The following MRPS28 variants were observed in gnomAD, a reference collection of about 807,000 sequenced individuals.
MRPS28 encodes small ribosomal subunit protein bS1m.
A neutral mutation model predicts 10.8 loss-of-function variants in MRPS28; 7 were observed. The observed-to-expected ratio is 0.65, with a 90% confidence interval of 0.37 to 1.22. The LOEUF is 1.22. Among genes scored for constraint, MRPS28 ranks in the 50% most tolerant of loss-of-function variants. MRPS28 has a pLI of 0.02. For missense variants in MRPS28, 265 were observed against 232.9 expected (o/e 1.14, Z -0.90); for synonymous variants, 121 against 93.3 (o/e 1.30, Z -1.71).
rs538688890 is a variant in MRPS28 at position 79,930,066 on chromosome 8, C to A, written c.396-10918G>T. 3.3e-5 allele frequency among the ~76,000 whole-genome samples: 5 copies of A among 152,256 alleles called. No homozygotes were observed. In the East Asian group the frequency reaches 9.7e-4, roughly 29 times the overall value. ...AAGTACAACACTCTCAGTGACTTAC[C>A]ACATCCATAGGTGCTCTGACTTATT... On this transcript the variant is annotated intron_variant, in intron 2 of 2. Coordinates refer to ENST00000276585, the MANE Select transcript of MRPS28 (RefSeq NM_014018.3).
At chr8:80,005,616 T>A (rs1322936098) in intron 1 of MRPS28, among the ~76,000 whole-genome samples, 1 of 152,116 alleles carries the variant, frequency 6.6e-6, no homozygotes, top group African/African-American at 2.4e-5. Context: ...AATGACAGGA[T>A]CAAATTCACA....
At chr8:79,924,615 T>G (rs1275526216) in intron 2 of MRPS28, among the ~76,000 whole-genome samples, 4 of 152,208 alleles carry the variant, frequency 2.6e-5, no homozygotes, top group Non-Finnish European at 5.9e-5. Flanking sequence ...CAATGTAAAG[T>G]GATATTACAT....
intron 2 of MRPS28, among the ~76,000 whole-genome samples, chr8:79,998,654 G>T (rs1808572717): frequency 6.6e-6 from 1 of 152,188 alleles, no homozygotes; most frequent in Non-Finnish European, 1.5e-5. Flanking sequence ...ATGCAGGGCT[G>T]CTCTGAAAGT....
chr8:79,994,953 G>C, intron 2 of MRPS28, among the ~76,000 whole-genome samples: 1 of 151,940 alleles, frequency 6.6e-6, no homozygotes, highest in Middle Eastern at 3.2e-3. Context: ...TCTCACTTTC[G>C]GCACTTAGTA....
chr8:80,006,641 A>G (rs1808855851), intron 1 of MRPS28, among the ~76,000 whole-genome samples: 1 of 152,166 alleles, frequency 6.6e-6, no homozygotes, highest in African/African-American at 2.4e-5. Context: ...TACTATAAAC[A>G]CCTCTACGCA....
rs987641734 is a variant in MRPS28, at chr8:79,937,609, T to C, written c.396-18461A>G. Reference sequence around the variant, plus strand: ...AAATTTGTGTAATTGTGTGTGCAGTTATCAGTAGAAGTGGAATAAACACAA... The same window carrying C: ...AAATTTGTGTAATTGTGTGTGCAGTCATCAGTAGAAGTGGAATAAACACAA... On this transcript the variant is annotated intron_variant, in intron 2 of 2. Coordinates refer to ENST00000276585, the MANE Select transcript of MRPS28 (RefSeq NM_014018.3). Among the ~76,000 whole-genome samples, 7 of 152,338 alleles carry C rather than the reference T, an allele frequency of 4.6e-5. No individual in the cohort carries two copies. In the South Asian group the frequency reaches 8.3e-4, roughly 18 times the overall value.
intron 1 of MRPS28, among the ~76,000 whole-genome samples, chr8:80,011,191 T>A (rs1655546506): frequency 6.6e-6 from 1 of 151,378 alleles, no homozygotes; most frequent in Non-Finnish European, 1.5e-5. Context: ...AATCCTTTGC[T>A]GGGAGCCATT....
At chr8:79,950,774 C>T (rs1384074219) in intron 2 of MRPS28, among the ~76,000 whole-genome samples, 4 of 152,214 alleles carry the variant, frequency 2.6e-5, no homozygotes, top group Non-Finnish European at 5.9e-5. Context: ...TAACCAATAT[C>T]AAATGAATAA....
intron 2 of MRPS28, among the ~76,000 whole-genome samples, chr8:79,984,511 C>A (rs56287537): frequency 4.6e-5 from 7 of 152,096 alleles, no homozygotes; most frequent in African/African-American, 7.2e-5. Context: ...CCCATCAGTG[C>A]GCTGTATTCA....
intron 2 of MRPS28, among the ~76,000 whole-genome samples, chr8:79,921,274 C>T (rs1307139533): frequency 2.6e-5 from 4 of 152,086 alleles, no homozygotes; most frequent in Non-Finnish European, 4.4e-5. Flanking sequence ...GCGATGTGGG[C>T]TCTTTTTTGG....
At chr8:80,016,393 TC>T (rs1399617683) in intron 1 of MRPS28, among the ~76,000 whole-genome samples, 1 of 151,210 alleles carries the variant, frequency 6.6e-6, no homozygotes, top group African/African-American at 2.4e-5. Context: ...GAGTGAGATA[TC>T]TAAAGTGTTA....
intron 2 of MRPS28, among the ~76,000 whole-genome samples, chr8:79,959,841 CA>C (rs1333859800): frequency 6.6e-6 from 1 of 152,132 alleles, no homozygotes; most frequent in Non-Finnish European, 1.5e-5. Context: ...TGCTTTATTT[CA>C]GAGGCTCATA....
chr8:80,014,027 T>C (rs1042880143), intron 1 of MRPS28, among the ~76,000 whole-genome samples: 1 of 152,098 alleles, frequency 6.6e-6, no homozygotes, highest in African/African-American at 2.4e-5. Context: ...TACTTTCTAG[T>C]GGACAGAAAG....
intron 2 of MRPS28, among the ~76,000 whole-genome samples, chr8:79,927,684 A>G (rs559207033): frequency 9.9e-5 from 15 of 152,208 alleles, no homozygotes; most frequent in Admixed American, 7.2e-4. Context: ...AGATGGAGGG[A>G]AAAGTCGTAT....
At chr8:79,950,070 TC>T (rs1807041573) in intron 2 of MRPS28, among the ~76,000 whole-genome samples, 1 of 151,952 alleles carries the variant, frequency 6.6e-6, no homozygotes, top group African/African-American at 2.4e-5. Flanking sequence ...AACAAAAAGC[TC>T]CCAAGCAAAA....
At chr8:80,010,869 A>G (rs1809021506) in intron 1 of MRPS28, among the ~76,000 whole-genome samples, 1 of 152,264 alleles carries the variant, frequency 6.6e-6, no homozygotes, top group South Asian at 2.1e-4. Context: ...GTCAATCTAA[A>G]CTAAAGACAA....
At chr8:79,961,227 T>C (rs1807364678) in intron 2 of MRPS28, among the ~76,000 whole-genome samples, 1 of 152,116 alleles carries the variant, frequency 6.6e-6, no homozygotes. Context: ...ATATCTAAAT[T>C]GGAATTCAGG....
chr8:80,016,343 C>A (rs1809194706), intron 1 of MRPS28, among the ~76,000 whole-genome samples: 1 of 151,892 alleles, frequency 6.6e-6, no homozygotes, highest in Non-Finnish European at 1.5e-5. Context: ...AAAATTATAT[C>A]CAGCTTCTCC....
chr8:79,938,489 T>A (rs1404359417), intron 2 of MRPS28, among the ~76,000 whole-genome samples: 1 of 151,718 alleles, frequency 6.6e-6, no homozygotes, highest in Non-Finnish European at 1.5e-5. Context: ...AATGTTAAAA[T>A]TAAGGTTTTA....
Sources: gnomAD v4.1 joint callset for allele counts (sites outside exome capture counted in the v4.1 genomes callset) on GRCh38, gnomAD v4.1.1 for gene constraint, MANE v1.5 for transcripts, NCBI Gene and HGNC (gene_info 2026-07-23, HGNC 2026-07-21) for gene names.